Variants in HEATR5A observed in about 807,000 individuals in gnomAD.
The protein encoded by HEATR5A is HEAT repeat-containing protein 5A.
In HEATR5A, 178 loss-of-function variants were observed where a neutral mutation model predicts 218.8. The observed-to-expected ratio is 0.81, with a 90% CI of 0.72 to 0.92. The LOEUF is 0.92. Ranked by LOEUF, HEATR5A falls within the 40% of genes least tolerant of loss-of-function variation. The pLI, the probability that HEATR5A is intolerant of heterozygous loss-of-function variation, is 0.00. For synonymous variants in HEATR5A, 864 were observed against 871.6 expected (o/e 0.99, Z 0.15); for missense variants, 2,420 against 2,418.9 (o/e 1.00, Z -0.01).
At chr14:31,312,380 G>A (rs562452147) in intron 28 of HEATR5A, among the ~76,000 whole-genome samples, 3 of 150,550 alleles carry the variant, frequency 2.0e-5, no homozygotes, top group Non-Finnish European at 4.4e-5. Flanking sequence ...AATACAGTGT[G>A]GAGAAATGAA....
intron 26 of HEATR5A, 24 bp downstream of exon 26, chr14:31,318,200 A>C (rs759161641): frequency 3.1e-6 from 5 of 1,603,042 alleles, no homozygotes; most frequent in Non-Finnish European, 4.3e-6. Context: ...ATTATCTCTT[A>C]AGCTTCATCT....
chr14:31,299,724 A>AAAAC (rs552493306), intron 33 of HEATR5A, among the ~76,000 whole-genome samples: 1 of 151,120 alleles, frequency 6.6e-6, no homozygotes, highest in Non-Finnish European at 1.5e-5. Flanking sequence ...ACTCCGTCTC[A>AAAAC]AAACAAACAA....
At chr14:31,353,798 G>A (rs1901316149) in intron 16 of HEATR5A, among the ~76,000 whole-genome samples, 1 of 148,006 alleles carries the variant, frequency 6.8e-6, no homozygotes, top group South Asian at 2.1e-4. Flanking sequence ...CCATATTTAA[G>A]GCATTTTTTG....
intron 5 of HEATR5A, among the ~76,000 whole-genome samples, chr14:31,394,797 GAC>G (rs1238564554): frequency 6.6e-6 from 1 of 152,010 alleles, no homozygotes; most frequent in African/African-American, 2.4e-5. Context: ...CAGCCTGGGC[GAC>G]AGAGTCTCAA....
chr14:31,307,984 T>A lies in HEATR5A; in HGVS notation c.4727A>T (p.Asp1576Val), dbSNP rs1470460527. ...AGCAGTTATGCTTTCCATGGTTGCATCTGAACGTAAGGAACATAGAAATTC... is the reference window on the plus strand; with the variant it reads ...AGCAGTTATGCTTTCCATGGTTGCAACTGAACGTAAGGAACATAGAAATTC... ...SVEFLCSLRS[D>V]ATMESITACL... Residue 1576 changes from aspartate to valine, a missense_variant, in exon 30 of 36, where the codon GAT (aspartate) becomes GTT (valine). Coordinates refer to ENST00000543095, the MANE Select transcript of HEATR5A (RefSeq NM_015473.4). The A allele has an allele frequency of 6.2e-7, 1 of 1,613,644 alleles. No homozygotes were observed. Among genetic ancestry groups the A allele is most frequent in the East Asian group, 2.2e-5 (1 of 44,860 alleles).
rs1313543969 is a variant in HEATR5A, at chr14:31,338,399, TTATA to T, written c.3229-789_3229-786del. Among the ~76,000 whole-genome samples, 10 of 152,056 alleles carry T rather than the reference TTATA, an allele frequency of 6.6e-5. No individual in the cohort carries two copies. In the South Asian group the frequency reaches 2.1e-3, roughly 32 times the overall value. ...GACAAGCATTACAGAACACCAAATT[TTATA>T]TATATATACATATTTATGTATTGAT... On this transcript the variant is annotated intron_variant, in intron 21 of 35. Transcript: ENST00000543095.
intron 26 of HEATR5A, among the ~76,000 whole-genome samples, chr14:31,317,711 A>G (rs2139158495): frequency 6.6e-6 from 1 of 152,338 alleles, no homozygotes; most frequent in South Asian, 2.1e-4. Flanking sequence ...TGAAATACAA[A>G]TCTAAACTAT....
intron 6 of HEATR5A, among the ~76,000 whole-genome samples, chr14:31,393,704 A>G (rs2030540805): frequency 6.6e-6 from 1 of 151,566 alleles, no homozygotes; most frequent in Non-Finnish European, 1.5e-5. Flanking sequence ...CCAGGCTGAG[A>G]TTGTGCAGTG....
At chr14:31,333,358 C>T (rs1021464559) in intron 22 of HEATR5A, among the ~76,000 whole-genome samples, 4 of 152,122 alleles carry the variant, frequency 2.6e-5, no homozygotes, top group East Asian at 2.0e-4. Flanking sequence ...AAGCTATTCT[C>T]GTGCCTCAGT....
chr14:31,378,795 A>C (rs1228141703), intron 11 of HEATR5A, among the ~76,000 whole-genome samples: 4 of 140,520 alleles, frequency 2.8e-5, no homozygotes, highest in East Asian at 2.1e-4. Flanking sequence ...CTCAAAAAAA[A>C]ACAAACAAAA....
At chr14:31,388,781 G>C (rs573088234) in intron 7 of HEATR5A, 64 bp downstream of exon 7, 1 of 1,303,922 alleles carries the variant, frequency 7.7e-7, no homozygotes, top group African/African-American at 1.4e-5. Context: ...TGTGGAGTCA[G>C]ATACTAAAAC....
chr14:31,378,128 A>G (rs1054584942), intron 11 of HEATR5A, among the ~76,000 whole-genome samples: 13 of 152,288 alleles, frequency 8.5e-5, no homozygotes, highest in African/African-American at 3.1e-4. Flanking sequence ...TATTCCCAGC[A>G]CACTGTGAAA....
At chr14:31,398,823 A>T in intron 3 of HEATR5A, 42 bp from the exon 4 acceptor site, 5 of 1,110,836 alleles carry the variant, frequency 4.5e-6, no homozygotes, top group Non-Finnish European at 5.2e-6. Context: ...CAGCTGAAAA[A>T]ATAGGAATAA....
At chr14:31,405,509 G>A (rs764355308) in intron 1 of HEATR5A, among the ~76,000 whole-genome samples, 3 of 152,120 alleles carry the variant, frequency 2.0e-5, no homozygotes, top group Non-Finnish European at 4.4e-5. Flanking sequence ...ATTCTAGCTT[G>A]TTTTAAAAAA....
chr14:31,357,135 C>T (rs1377360178), intron 16 of HEATR5A, among the ~76,000 whole-genome samples: 1 of 152,178 alleles, frequency 6.6e-6, no homozygotes, highest in African/African-American at 2.4e-5. Context: ...TCTCTTATCA[C>T]CATAACCTTA....
intron 1 of HEATR5A, among the ~76,000 whole-genome samples, chr14:31,416,708 T>C (rs192565019): frequency 6.6e-6 from 1 of 152,146 alleles, no homozygotes; most frequent in African/African-American, 2.4e-5. Context: ...TTCCATTTGG[T>C]TCTCACTGTA....
Position 31,334,717 on chromosome 14 carries a change from C to T in HEATR5A, c.3367+2759G>A, listed in dbSNP as rs547150347. Among the ~76,000 whole-genome samples, 30 of 152,154 alleles carry T rather than the reference C, an allele frequency of 2.0e-4. No homozygotes were observed. In the East Asian group the frequency reaches 4.8e-3, roughly 25 times the overall value. ...GTCCCAGCACTTTGGGAGGCCGAGG[C>T]GAGTGGATCACGAGGTCAGGAGATT... On this transcript the variant is annotated intron_variant, in intron 22 of 35. Transcript: ENST00000543095.
chr14:31,380,624 A>G lies in HEATR5A; in HGVS notation c.1597-46T>C. ...TTTTAAAAAAAGCATATCAGTTTAT[A>G]AATTACTAAATGATAGCAGCTAACA... On this transcript the variant is annotated intron_variant, in intron 10 of 35. Coordinates refer to ENST00000543095, the MANE Select transcript of HEATR5A (RefSeq NM_015473.4). 3.4e-6 allele frequency: 4 copies of G among 1,169,592 alleles called. No individual in the cohort carries two copies. The East Asian group carries it at 1.0e-4, about 30-fold the overall frequency. The allele number at this position is 1,169,592 out of a possible 1,614,324, so 72.5% of individuals were successfully genotyped here.
chr14:31,328,083 G>C (rs919920615), intron 22 of HEATR5A, among the ~76,000 whole-genome samples: 1 of 152,038 alleles, frequency 6.6e-6, no homozygotes, highest in Non-Finnish European at 1.5e-5. Flanking sequence ...CCAGTAGCTG[G>C]GATTACAGGC....
Sources: allele counts gnomAD v4.1 joint callset (sites outside exome capture counted in the v4.1 genomes callset), GRCh38; gene constraint gnomAD v4.1.1; transcripts MANE v1.5; gene names NCBI Gene and HGNC (gene_info 2026-07-23, HGNC 2026-07-21).